Variants in RPS6KC1 observed in about 807,000 individuals in gnomAD.
RPS6KC1 encodes ribosomal protein S6 kinase C1.
Under a neutral mutation model 103.8 loss-of-function variants are expected in RPS6KC1, and 54 were observed. That is an observed-to-expected ratio of 0.52 (90% confidence interval 0.42 to 0.65). RPS6KC1 has a LOEUF of 0.65. Ranked by LOEUF, RPS6KC1 falls within the 30% of genes least tolerant of loss-of-function variation. The pLI is 0.00. For missense variants in RPS6KC1, 1,151 were observed against 1,253.8 expected (o/e 0.92, Z 1.24); for synonymous variants, 439 against 438.7 (o/e 1.00, Z -0.01).
the RPS6KC1 span, chr1:213,839,924 C>CTGT: frequency 6.6e-6 from 1 of 152,320 alleles, no homozygotes; most frequent in African/African-American, 2.4e-5. Flanking sequence ...TTAGCCATTA[C>CTGT]TGTTGTTGTT....
chr1:213,184,494 A>C (rs1270021041), intron 8 of RPS6KC1, among the ~76,000 whole-genome samples: 1 of 150,604 alleles, frequency 6.6e-6, no homozygotes, highest in African/African-American at 2.4e-5. Context: ...TTTTTGCCTC[A>C]ATTTGATTTA....
In RPS6KC1 at chr1:213,261,573, C is replaced by A. The variant is rs760084367; in HGVS notation, c.2927C>A (p.Thr976Asn). 5 of 1,614,016 alleles carry A rather than the reference C, an allele frequency of 3.1e-6. No homozygotes were observed. The highest frequency in any genetic ancestry group is 1.1e-5 in the South Asian group (1 of 91,082). Residue 976 changes from threonine (T) to asparagine (N), a missense_variant, in exon 13 of 15, where the codon ACT becomes AAT. Thr to Asn is a moderately conservative substitution (Grantham distance 65). Around this residue, in one of 3 missense-constraint regions of RPS6KC1, gnomAD observed 189 missense variants for 228.8 expected, o/e 0.83. Coordinates refer to ENST00000366960, the MANE Select transcript of RPS6KC1 (RefSeq NM_012424.6). ...MYCAPEVGAI[T>N]EETEACDWWS... is the part of the protein sequence containing the mutation. ...GTGTGGTTAGAGGTTGGAGCAATCA[C>A]TGAAGAAACTGAAGCCTGTGATTGG...
At chr1:213,648,772 G>A in the RPS6KC1 span, among the ~76,000 whole-genome samples, 2,235 of 152,124 alleles carry the variant, frequency 0.015, 30 homozygotes, top group East Asian at 0.034. Flanking sequence ...TATCACTGTA[G>A]CCTTCTTCTC....
At chr1:213,451,125 T>C in the RPS6KC1 span, among the ~76,000 whole-genome samples, 3 of 152,216 alleles carry the variant, frequency 2.0e-5, no homozygotes. Flanking sequence ...CTGATTCTTC[T>C]AATGGGATGA....
chr1:213,481,121 T>G, the RPS6KC1 span, among the ~76,000 whole-genome samples: 3 of 152,196 alleles, frequency 2.0e-5, no homozygotes, highest in African/African-American at 7.2e-5. Flanking sequence ...GCTATGTTAG[T>G]CTCATGTAAT....
At chr1:213,112,867 A>G (rs1472502675) in intron 4 of RPS6KC1, among the ~76,000 whole-genome samples, 1 of 152,178 alleles carries the variant, frequency 6.6e-6, no homozygotes, top group Non-Finnish European at 1.5e-5. Context: ...TTCCAGTTTC[A>G]TCCGTGTCCC....
the RPS6KC1 span, among the ~76,000 whole-genome samples, chr1:213,463,801 G>C: frequency 6.6e-6 from 1 of 152,128 alleles, no homozygotes; most frequent in Non-Finnish European, 1.5e-5. Context: ...ACTGTTCTCT[G>C]TTTCCTCTAT....
chr1:213,859,396 T>C, the RPS6KC1 span, among the ~76,000 whole-genome samples: 2 of 152,216 alleles, frequency 1.3e-5, no homozygotes, highest in Admixed American at 1.3e-4. Flanking sequence ...GGCATCTGTA[T>C]CATTTTTCAA....
chr1:213,622,945 C>T, the RPS6KC1 span, among the ~76,000 whole-genome samples: 3 of 152,106 alleles, frequency 2.0e-5, no homozygotes, highest in Admixed American at 6.5e-5. Context: ...ATTTCAGTCG[C>T]GCGAGGCCAG....
At chr1:213,537,267 C>T in the RPS6KC1 span, among the ~76,000 whole-genome samples, 2,320 of 152,174 alleles carry the variant, frequency 0.015, 60 homozygotes, top group African/African-American at 0.052. Flanking sequence ...GTTTGGAAAA[C>T]ATTTTCAGGT....
chr1:213,417,880 C>T, the RPS6KC1 span, among the ~76,000 whole-genome samples: 1 of 152,180 alleles, frequency 6.6e-6, no homozygotes, highest in African/African-American at 2.4e-5. Context: ...TGAACCTTAA[C>T]TTTTCCATGA....
chr1:213,699,569 T>C, the RPS6KC1 span, among the ~76,000 whole-genome samples: 1 of 152,212 alleles, frequency 6.6e-6, no homozygotes, highest in Admixed American at 6.5e-5. Flanking sequence ...TTTGGGTATA[T>C]ACCCAGCAGT....
the RPS6KC1 span, among the ~76,000 whole-genome samples, chr1:213,790,818 A>G: frequency 6.6e-6 from 1 of 152,214 alleles, no homozygotes; most frequent in African/African-American, 2.4e-5. Context: ...ATGTCAAGAC[A>G]TAAGGTGACA....
the RPS6KC1 span, among the ~76,000 whole-genome samples, chr1:213,381,424 A>G: frequency 2.6e-5 from 4 of 151,838 alleles, no homozygotes; most frequent in African/African-American, 9.7e-5. Flanking sequence ...AATCTGATCT[A>G]GTTCCCAACA....
the RPS6KC1 span, among the ~76,000 whole-genome samples, chr1:213,717,256 A>AC: frequency 6.6e-6 from 1 of 152,234 alleles, no homozygotes; most frequent in Non-Finnish European, 1.5e-5. Flanking sequence ...GCATAATGGA[A>AC]CCACATGGTG....
At chr1:213,359,740 A>C in the RPS6KC1 span, among the ~76,000 whole-genome samples, 3 of 152,128 alleles carry the variant, frequency 2.0e-5, no homozygotes, top group Admixed American at 2.0e-4. Context: ...GGAGCTCTTT[A>C]GGGCAAGCCT....
chr1:213,345,196 G>A, the RPS6KC1 span, among the ~76,000 whole-genome samples: 2 of 152,076 alleles, frequency 1.3e-5, no homozygotes, highest in Admixed American at 6.5e-5. Flanking sequence ...TAAATCATAA[G>A]GATACAGTTT....
chr1:213,174,670 C>CAAAAAAAAAAAAAAAAAAA (rs370278907), intron 7 of RPS6KC1, among the ~76,000 whole-genome samples: 1 of 43,378 alleles, frequency 2.3e-5, no homozygotes, highest in Non-Finnish European at 5.3e-5. Flanking sequence ...AACTCCATCT[C>CAAAAAAAAAAAAAAAAAAA]AAAAAAAAAA....
chr1:213,246,841 C>T (rs1157395517), intron 12 of RPS6KC1, among the ~76,000 whole-genome samples: 5 of 151,612 alleles, frequency 3.3e-5, no homozygotes, highest in African/African-American at 7.3e-5. Flanking sequence ...ATCATGCCTG[C>T]GAATAGCTAC....
Sources: allele counts gnomAD v4.1 joint callset (sites outside exome capture counted in the v4.1 genomes callset), GRCh38; gene constraint gnomAD v4.1.1; regional missense constraint gnomAD v4.1.1; transcripts MANE v1.5; gene names NCBI Gene and HGNC (gene_info 2026-07-23, HGNC 2026-07-21).